The following GPR158 variants were observed in gnomAD, a reference collection of about 807,000 sequenced individuals.
GPR158 encodes metabotropic glycine receptor.
GPR158 carries 30 observed loss-of-function variants against 78.2 expected under a neutral mutation model. The ratio of observed to expected loss-of-function variants is 0.38; its 90% CI spans 0.29 to 0.52. The LOEUF is 0.52. GPR158 is among the 20% of genes least tolerant of loss of function. The pLI is 0.83. For missense variants in GPR158, 1,463 were observed against 1,523.5 expected (o/e 0.96, Z 0.66); for synonymous variants, 581 against 591.1 (o/e 0.98, Z 0.25).
chr10:25,368,490 A>C (rs559865945), intron 2 of GPR158, among the ~76,000 whole-genome samples: 1 of 152,014 alleles, frequency 6.6e-6, no homozygotes, highest in South Asian at 2.1e-4. Context: ...AAAAAATCTC[A>C]ATATCACTGA....
At chr10:25,579,090 A>G (rs1309315416) in intron 7 of GPR158, among the ~76,000 whole-genome samples, 9 of 152,150 alleles carry the variant, frequency 5.9e-5, no homozygotes, top group Non-Finnish European at 1.5e-5. Flanking sequence ...AATGAAGAAA[A>G]CAAAGTATCA....
intron 2 of GPR158, among the ~76,000 whole-genome samples, chr10:25,222,418 C>A (rs1049506440): frequency 6.6e-6 from 1 of 151,098 alleles, no homozygotes; most frequent in Non-Finnish European, 1.5e-5. Context: ...CAATACATTC[C>A]CACAGCCCCC....
chr10:25,569,097 T>C (rs555626105), intron 6 of GPR158, among the ~76,000 whole-genome samples: 1 of 152,362 alleles, frequency 6.6e-6, no homozygotes, highest in South Asian at 2.1e-4. Context: ...GTTGTGTTTA[T>C]TATGTTTTCT....
intron 2 of GPR158, among the ~76,000 whole-genome samples, chr10:25,227,258 G>A (rs1210056836): frequency 2.6e-5 from 4 of 152,194 alleles, no homozygotes; most frequent in Admixed American, 6.5e-5. Context: ...TGAGCCAAGC[G>A]TTCACCAGTG....
At chr10:25,277,729 G>T (rs1408328442) in intron 2 of GPR158, among the ~76,000 whole-genome samples, 1 of 152,110 alleles carries the variant, frequency 6.6e-6, no homozygotes, top group Admixed American at 6.5e-5. Flanking sequence ...GACCCTCAAA[G>T]GGGTAGCACT....
chr10:25,254,528 A>G (rs992295030), intron 2 of GPR158, among the ~76,000 whole-genome samples: 19 of 152,206 alleles, frequency 1.2e-4, no homozygotes, highest in Non-Finnish European at 2.2e-4. Flanking sequence ...AGAAAATTCT[A>G]AAAGGCTCAT....
chr10:25,308,298 G>C (rs534022), intron 2 of GPR158, among the ~76,000 whole-genome samples: 151,028 of 152,218 alleles, frequency 0.99, 74,950 homozygotes, highest in Middle Eastern at 1. Flanking sequence ...ATGCTCTCCC[G>C]ACTCAAACCT....
At position 25,599,994 on chromosome 10, in the gene GPR158, G is replaced by C. The variant is rs1232400088; in HGVS notation, c.*720G>C. On this transcript the variant is annotated 3_prime_UTR_variant, in exon 11 of 11. Coordinates refer to ENST00000376351, the MANE Select transcript of GPR158 (RefSeq NM_020752.3). Reference sequence around the variant, plus strand: ...TTCTCTGGCTTGGGAAGCCATAACTGTTACTATAAAAACTTTTAGTTTTGG... The same window carrying C: ...TTCTCTGGCTTGGGAAGCCATAACTCTTACTATAAAAACTTTTAGTTTTGG... The C allele has an allele frequency of 6.6e-6, 1 of 152,582 alleles. No homozygotes were observed. The highest frequency in any genetic ancestry group is 1.5e-5 in the Non-Finnish European group (1 of 68,030). 9.5% of individuals were successfully genotyped at this position (152,582 alleles called of 1,614,324 possible).
At chr10:25,272,317 C>T (rs1037643413) in intron 2 of GPR158, among the ~76,000 whole-genome samples, 1 of 152,148 alleles carries the variant, frequency 6.6e-6, no homozygotes, top group African/African-American at 2.4e-5. Flanking sequence ...TCTTGTCTCA[C>T]ATTTTCTTAA....
At chr10:25,540,083 C>T (rs1836556439) in intron 5 of GPR158, among the ~76,000 whole-genome samples, 2 of 151,962 alleles carry the variant, frequency 1.3e-5, no homozygotes, top group South Asian at 4.1e-4. Flanking sequence ...CTACAAAGAA[C>T]TCAAACAAAT....
At chr10:25,515,453 T>C (rs1836152742) in intron 5 of GPR158, among the ~76,000 whole-genome samples, 1 of 149,466 alleles carries the variant, frequency 6.7e-6, no homozygotes, top group Admixed American at 6.7e-5. Context: ...TGTGCCATGC[T>C]GGTGCGCTGC....
chr10:25,232,624 T>G (rs1853464673), intron 2 of GPR158, among the ~76,000 whole-genome samples: 1 of 152,164 alleles, frequency 6.6e-6, no homozygotes, highest in East Asian at 1.9e-4. Context: ...AGGACAGGTT[T>G]CGATTCATCA....
At chr10:25,353,061 C>T (rs1413396) in intron 2 of GPR158, among the ~76,000 whole-genome samples, 117,831 of 151,952 alleles carry the variant, frequency 0.78, 46,728 homozygotes, top group Non-Finnish European at 0.87. Context: ...ACAGTATTGC[C>T]GTGATAATGG....
intron 5 of GPR158, among the ~76,000 whole-genome samples, chr10:25,540,954 A>G (rs1164219681): frequency 1.0e-5 from 1 of 100,468 alleles, no homozygotes; most frequent in Non-Finnish European, 1.8e-5. Flanking sequence ...AAATATATAT[A>G]TATATATATA....
chr10:25,303,968 T>A (rs1281259823), intron 2 of GPR158, among the ~76,000 whole-genome samples: 1 of 152,148 alleles, frequency 6.6e-6, no homozygotes. Context: ...GAGAAGTGAT[T>A]GTGATTTAGG....
At chr10:25,349,113 C>T (rs1588815306) in intron 2 of GPR158, among the ~76,000 whole-genome samples, 1 of 152,118 alleles carries the variant, frequency 6.6e-6, no homozygotes, top group South Asian at 2.1e-4. Flanking sequence ...AAAGTCAGGT[C>T]GTCAGCAGGG....
intron 6 of GPR158, among the ~76,000 whole-genome samples, chr10:25,554,971 G>T (rs1836768509): frequency 6.6e-6 from 1 of 151,390 alleles, no homozygotes; most frequent in Admixed American, 6.6e-5. Context: ...CACTGATGTG[G>T]TGTAATTTAT....
chr10:25,381,380 T>C (rs1834152863), intron 2 of GPR158, among the ~76,000 whole-genome samples: 2 of 152,260 alleles, frequency 1.3e-5, no homozygotes, highest in South Asian at 4.1e-4. Flanking sequence ...TCCTTCAAGA[T>C]GTTTGGGTAG....
intron 4 of GPR158, among the ~76,000 whole-genome samples, chr10:25,429,944 C>T (rs1242445788): frequency 4.4e-5 from 6 of 137,096 alleles, no homozygotes; most frequent in Middle Eastern, 3.6e-3. Flanking sequence ...CCTTTGAAAA[C>T]TGGCACAAGA....
Sources: allele counts gnomAD v4.1 joint callset (sites outside exome capture counted in the v4.1 genomes callset), GRCh38; gene constraint gnomAD v4.1.1; transcripts MANE v1.5; gene names NCBI Gene and HGNC (gene_info 2026-07-23, HGNC 2026-07-21).